EDA: variants seen among roughly 807,000 people sequenced by gnomAD.
The protein encoded by EDA is ectodysplasin A.
A neutral mutation model predicts 23.6 loss-of-function variants in EDA; 2 were observed. That is an observed-to-expected ratio of 0.08 (90% confidence interval 0.03 to 0.27). The LOEUF (loss-of-function observed/expected upper bound fraction) is 0.27. EDA is among the 10% of genes least tolerant of loss of function. The probability of loss-of-function intolerance (pLI) is 1.00; values close to 1 mark genes in which losing one functional copy is unlikely to be tolerated. For synonymous variants in EDA, 131 were observed against 132.0 expected (o/e 0.99, Z 0.05); for missense variants, 229 against 324.2 (o/e 0.71, Z 2.26).
intron 1 of EDA, among the ~76,000 whole-genome samples, chrX:69,881,690 T>A (rs1000730277): frequency 6.3e-5 from 7 of 111,723 alleles, no homozygotes; most frequent in African/African-American, 1.6e-4. Flanking sequence ...CACCTGAGAC[T>A]GGGTAATTTG....
At chrX:69,693,987 TTTA>T (rs1419396050) in intron 1 of EDA, among the ~76,000 whole-genome samples, 1 of 112,013 alleles carries the variant, frequency 8.9e-6, no homozygotes, top group Non-Finnish European at 1.9e-5. Context: ...ACCTGAAGTT[TTTA>T]TTGTCTTCCA....
intron 1 of EDA, among the ~76,000 whole-genome samples, chrX:69,866,494 CA>C (rs1255703404): frequency 9.0e-6 from 1 of 111,235 alleles, no homozygotes; most frequent in Non-Finnish European, 1.9e-5. Context: ...TCTAGGCCAG[CA>C]GAACGTAATG....
intron 1 of EDA, among the ~76,000 whole-genome samples, chrX:69,726,990 G>A (rs1186474898): frequency 8.9e-6 from 1 of 111,869 alleles, no homozygotes; most frequent in Non-Finnish European, 1.9e-5. Context: ...TGTGCTCTTG[G>A]TACCTGGGCT....
intron 4 of EDA, among the ~76,000 whole-genome samples, chrX:70,028,983 G>C (rs2020160733): frequency 1.8e-5 from 2 of 112,562 alleles, no homozygotes; most frequent in Non-Finnish European, 3.7e-5. Flanking sequence ...GATGGAGTTA[G>C]AGATTTTTTT....
chrX:69,936,650 C>G (rs908295199), intron 1 of EDA, among the ~76,000 whole-genome samples: 3 of 111,728 alleles, frequency 2.7e-5, no homozygotes, highest in Non-Finnish European at 3.8e-5. Flanking sequence ...AACAACATTT[C>G]TGATAAAACA....
At chrX:69,872,500 G>C (rs926145938) in intron 1 of EDA, among the ~76,000 whole-genome samples, 5 of 111,632 alleles carry the variant, frequency 4.5e-5, no homozygotes, top group African/African-American at 1.6e-4. Flanking sequence ...ACTGTCTTCA[G>C]GAGACTCGCC....
chrX:69,797,080 T>C (rs1040506742), intron 1 of EDA, among the ~76,000 whole-genome samples: 3 of 111,231 alleles, frequency 2.7e-5, no homozygotes, highest in Non-Finnish European at 5.7e-5. Flanking sequence ...TTTTTTTATA[T>C]GTATAGGACA....
chrX:69,849,916 A>G (rs1202990), intron 1 of EDA, among the ~76,000 whole-genome samples: 19,161 of 111,388 alleles, frequency 0.17, 1,239 homozygotes, highest in Non-Finnish European at 0.2. Flanking sequence ...GTGAAAATCA[A>G]TATTATACAA....
At chrX:69,667,645 GCTT>G (rs1933731991) in intron 1 of EDA, among the ~76,000 whole-genome samples, 1 of 111,222 alleles carries the variant, frequency 9.0e-6, no homozygotes, top group African/African-American at 3.3e-5. Context: ...TTTAGTTTGT[GCTT>G]CTTTTATTAG....
chrX:69,990,657 C>T (rs922202121), intron 2 of EDA, among the ~76,000 whole-genome samples: 3 of 109,649 alleles, frequency 2.7e-5, no homozygotes, highest in African/African-American at 6.6e-5. Flanking sequence ...TTGACTAAAG[C>T]GGATATTATC....
chrX:69,634,425 G>A (rs1462924465), intron 1 of EDA, among the ~76,000 whole-genome samples: 4 of 110,673 alleles, frequency 3.6e-5, no homozygotes, highest in Non-Finnish European at 5.7e-5. Flanking sequence ...TGATCCTTCC[G>A]CATCAGCCCC....
intron 1 of EDA, among the ~76,000 whole-genome samples, chrX:69,866,595 G>A (rs1455326138): frequency 1.8e-5 from 2 of 111,366 alleles, no homozygotes; most frequent in Non-Finnish European, 3.8e-5. Flanking sequence ...TTGATTCCTG[G>A]ACCTGTGAAT....
At chrX:69,712,882 TA>T (rs935351848) in intron 1 of EDA, among the ~76,000 whole-genome samples, 42 of 110,583 alleles carry the variant, frequency 3.8e-4, no homozygotes, top group East Asian at 8.6e-4. Context: ...TATGCAGCCA[TA>T]AAAAAATGAT....
chrX:69,765,457 T>C (rs1012500904), intron 1 of EDA, among the ~76,000 whole-genome samples: 3 of 111,904 alleles, frequency 2.7e-5, no homozygotes, highest in Non-Finnish European at 5.6e-5. Context: ...AGTGGTTTTG[T>C]CTTCCTATTC....
intron 1 of EDA, among the ~76,000 whole-genome samples, chrX:69,728,468 G>A (rs889919979): frequency 1.5e-4 from 17 of 112,016 alleles, no homozygotes; most frequent in African/African-American, 5.5e-4. Context: ...AACAATATGT[G>A]CAAGGGCACA....
At chrX:69,625,746 A>G (rs758923388) in intron 1 of EDA, among the ~76,000 whole-genome samples, 2 of 110,956 alleles carry the variant, frequency 1.8e-5, no homozygotes, top group Non-Finnish European at 3.8e-5. Context: ...AACATAGAAA[A>G]TCCTTAAGAT....
At chrX:69,900,271 T>C (rs887088568) in intron 1 of EDA, among the ~76,000 whole-genome samples, 3 of 109,077 alleles carry the variant, frequency 2.8e-5, no homozygotes, top group Non-Finnish European at 5.7e-5. Flanking sequence ...CTGTGTGACC[T>C]TGGACAAATT....
Position 69,616,116 on chromosome X carries a change from T to G in EDA, c.-193T>G. On this transcript the variant is annotated 5_prime_UTR_variant, in exon 1 of 8. Transcript: ENST00000374552. The stretch of plus-strand genomic sequence containing the variant: ...CCTCTCTCCCGCCCCTCCTCCTCCC[T>G]TTCCCACCCCTCGGAGTAGAGCTGC... 4 of 256,499 alleles carry G rather than the reference T, an allele frequency of 1.6e-5. No homozygotes were observed. Among genetic ancestry groups the G allele is most frequent in the East Asian group, 9.1e-5 (1 of 10,986 alleles). 21.1% of individuals were successfully genotyped at this position (256,499 alleles called of 1,213,427 possible).
At chrX:69,989,829 A>AG (rs1357569400) in intron 2 of EDA, among the ~76,000 whole-genome samples, 2 of 90,972 alleles carry the variant, frequency 2.2e-5, no homozygotes, top group Non-Finnish European at 4.8e-5. Context: ...GAACAACAGG[A>AG]AAAAAAAAGA....
Sources: allele counts gnomAD v4.1 joint callset (sites outside exome capture counted in the v4.1 genomes callset), GRCh38; gene constraint gnomAD v4.1.1; transcripts MANE v1.5; gene names NCBI Gene and HGNC (gene_info 2026-07-23, HGNC 2026-07-21).